Variants in PTPRD observed in about 807,000 individuals in gnomAD.
PTPRD encodes protein tyrosine phosphatase receptor type D.
PTPRD carries 34 observed loss-of-function variants against 214.5 expected under a neutral mutation model. The observed-to-expected ratio is 0.16, with a 90% CI of 0.12 to 0.21. The LOEUF is 0.21. Among genes scored for constraint, PTPRD ranks in the 10% least tolerant of loss-of-function variants. PTPRD has a pLI of 1.00. For missense variants in PTPRD, 2,545 were observed against 2,398.7 expected, an observed-to-expected ratio of 1.06 and a Z score of -1.27; for synonymous variants, 1,128 against 845.7, an observed-to-expected ratio of 1.33 and a Z score of -5.79.
chr9:9,615,693 A>G (rs1428895449), intron 7 of PTPRD, among the ~76,000 whole-genome samples: 1 of 152,202 alleles, frequency 6.6e-6, no homozygotes, highest in Non-Finnish European at 1.5e-5. Context: ...TTTTGCTATC[A>G]TAAGGGCTAC....
chr9:9,900,700 G>A (rs529974220), intron 5 of PTPRD, among the ~76,000 whole-genome samples: 1 of 149,770 alleles, frequency 6.7e-6, no homozygotes, highest in South Asian at 2.1e-4. Context: ...GCAGTGGCAC[G>A]ATCTTGGCTC....
At chr9:8,559,710 C>G (rs1593766053) in intron 14 of PTPRD, among the ~76,000 whole-genome samples, 1 of 152,288 alleles carries the variant, frequency 6.6e-6, no homozygotes, top group East Asian at 1.9e-4. Context: ...AAAAGAATCC[C>G]TCTATCACCT....
chr9:9,795,509 CAAAT>C (rs993230477), intron 5 of PTPRD, among the ~76,000 whole-genome samples: 3 of 151,932 alleles, frequency 2.0e-5, no homozygotes, highest in Admixed American at 2.0e-4. Flanking sequence ...ATTCATGAAA[CAAAT>C]AAAGTATAAG....
chr9:10,246,348 A>C (rs1406153124), intron 3 of PTPRD, among the ~76,000 whole-genome samples: 2 of 152,066 alleles, frequency 1.3e-5, no homozygotes, highest in Non-Finnish European at 2.9e-5. Context: ...GATTCAAGTA[A>C]TTCTCCTGCC....
intron 7 of PTPRD, among the ~76,000 whole-genome samples, chr9:9,699,481 A>G (rs933852980): frequency 2.0e-5 from 3 of 152,194 alleles, no homozygotes. Context: ...TTCTCAGAGC[A>G]CAGGGGTGTA....
chr9:9,908,134 T>C (rs1018010085), intron 5 of PTPRD, among the ~76,000 whole-genome samples: 21 of 151,774 alleles, frequency 1.4e-4, no homozygotes, highest in Admixed American at 5.3e-4. Context: ...GAAAAAAAAG[T>C]ATCTAGTTGG....
At chr9:9,916,194 A>G (rs546910272) in intron 5 of PTPRD, among the ~76,000 whole-genome samples, 1 of 152,198 alleles carries the variant, frequency 6.6e-6, no homozygotes, top group African/African-American at 2.4e-5. Flanking sequence ...AAGGGAACTC[A>G]TTACTACTAG....
At chr9:9,702,177 G>A (rs1352937728) in intron 7 of PTPRD, among the ~76,000 whole-genome samples, 4 of 152,050 alleles carry the variant, frequency 2.6e-5, no homozygotes, top group East Asian at 1.9e-4. Context: ...TCATGATGAC[G>A]AGAAAGAAAA....
At chr9:8,599,403 A>G (rs1016028411) in intron 14 of PTPRD, among the ~76,000 whole-genome samples, 8 of 152,164 alleles carry the variant, frequency 5.3e-5, no homozygotes, top group Non-Finnish European at 1.2e-4. Context: ...AAAACAAAAC[A>G]AAAGTCATTG....
intron 7 of PTPRD, among the ~76,000 whole-genome samples, chr9:9,701,250 G>A (rs1389126836): frequency 1.3e-5 from 2 of 152,072 alleles, no homozygotes; most frequent in African/African-American, 2.4e-5. Flanking sequence ...AACTAAGAAT[G>A]TTTTAAACAT....
intron 10 of PTPRD, among the ~76,000 whole-genome samples, chr9:9,096,020 A>G (rs1591540116): frequency 6.6e-6 from 1 of 152,212 alleles, no homozygotes; most frequent in Non-Finnish European, 1.5e-5. Context: ...ATATTGCGTT[A>G]TTCTACCTAT....
intron 39 of PTPRD, among the ~76,000 whole-genome samples, chr9:8,353,735 G>C (rs1418632914): frequency 6.6e-6 from 1 of 151,406 alleles, no homozygotes; most frequent in African/African-American, 2.4e-5. Context: ...CACCCAGCCA[G>C]TACTGCCCAT....
chr9:8,668,787 G>C (rs758448786), intron 12 of PTPRD, among the ~76,000 whole-genome samples: 1 of 152,168 alleles, frequency 6.6e-6, no homozygotes, highest in Non-Finnish European at 1.5e-5. Flanking sequence ...GATTTTCTTA[G>C]TCTCAAAATT....
At chr9:10,200,293 G>C (rs529280535) in intron 3 of PTPRD, among the ~76,000 whole-genome samples, 3 of 152,194 alleles carry the variant, frequency 2.0e-5, no homozygotes, top group Admixed American at 6.6e-5. Flanking sequence ...ATAACATATA[G>C]ATCAGTGGTT....
intron 5 of PTPRD, among the ~76,000 whole-genome samples, chr9:9,907,384 A>G (rs920095481): frequency 1.3e-5 from 2 of 151,950 alleles, no homozygotes; most frequent in African/African-American, 4.8e-5. Context: ...ATTTTCTCAC[A>G]GTTTTAAGAG....
intron 2 of PTPRD, among the ~76,000 whole-genome samples, chr9:10,548,786 C>T (rs185561330): frequency 6.6e-6 from 1 of 152,234 alleles, no homozygotes; most frequent in East Asian, 1.9e-4. Flanking sequence ...AGGAGAACTG[C>T]CAATGTCACA....
intron 9 of PTPRD, among the ~76,000 whole-genome samples, chr9:9,219,461 T>G (rs988581178): frequency 6.6e-6 from 1 of 151,964 alleles, no homozygotes. Context: ...ACCAAAGACA[T>G]GTCCTTAAAC....
At chr9:8,581,282 G>T (rs964216117) in intron 14 of PTPRD, among the ~76,000 whole-genome samples, 1 of 152,010 alleles carries the variant, frequency 6.6e-6, no homozygotes, top group Non-Finnish European at 1.5e-5. Context: ...AAAGAAAGCA[G>T]AAATTAGCAA....
intron 4 of PTPRD, among the ~76,000 whole-genome samples, chr9:9,949,077 T>C (rs2093151893): frequency 6.6e-6 from 1 of 152,074 alleles, no homozygotes; most frequent in Non-Finnish European, 1.5e-5. Context: ...GAATTGTTCA[T>C]ATGTCTCAAA....
Sources: gnomAD v4.1 joint callset for allele counts (sites outside exome capture counted in the v4.1 genomes callset) on GRCh38, gnomAD v4.1.1 for gene constraint, MANE v1.5 for transcripts, NCBI Gene and HGNC (gene_info 2026-07-23, HGNC 2026-07-21) for gene names.